Variants in GRID2 observed in about 807,000 individuals in gnomAD.
GRID2 encodes the protein glutamate ionotropic receptor delta type subunit 2, also known as glutamate receptor ionotropic, delta-2.
A neutral mutation model predicts 114.8 loss-of-function variants in GRID2; 33 were observed. That is an observed-to-expected ratio of 0.29 (90% CI 0.22 to 0.38). The LOEUF (loss-of-function observed/expected upper bound fraction) is 0.38. Among genes scored for constraint, GRID2 ranks in the 10% least tolerant of loss-of-function variants. GRID2 has a pLI of 1.00. For synonymous variants in GRID2, 505 were observed against 449.9 expected (o/e 1.12, Z -1.55); for missense variants, 1,184 against 1,257.7 (o/e 0.94, Z 0.89).
intron 8 of GRID2, among the ~76,000 whole-genome samples, chr4:93,249,903 T>C (rs547825268): frequency 6.6e-6 from 1 of 152,220 alleles, no homozygotes; most frequent in Admixed American, 6.5e-5. Context: ...GGTGGGAGTG[T>C]AAATTAGTTC....
intron 2 of GRID2, among the ~76,000 whole-genome samples, chr4:92,646,249 C>T (rs1272745969): frequency 6.6e-6 from 1 of 152,142 alleles, no homozygotes; most frequent in Non-Finnish European, 1.5e-5. Flanking sequence ...TTATAAAGTG[C>T]CTGTTAAAGT....
chr4:92,417,086 A>G (rs1308915777), intron 1 of GRID2, among the ~76,000 whole-genome samples: 1 of 151,938 alleles, frequency 6.6e-6, no homozygotes, highest in African/African-American at 2.4e-5. Flanking sequence ...CAGTGTTTTC[A>G]AATATATGTA....
chr4:92,997,511 TAGAA>T (rs1448105261), intron 2 of GRID2, among the ~76,000 whole-genome samples: 1 of 152,134 alleles, frequency 6.6e-6, no homozygotes, highest in Non-Finnish European at 1.5e-5. Context: ...TTGATAGTGT[TAGAA>T]AGAAACAGTT....
intron 2 of GRID2, among the ~76,000 whole-genome samples, chr4:92,696,575 A>G (rs1734434135): frequency 6.6e-6 from 1 of 152,144 alleles, no homozygotes; most frequent in Non-Finnish European, 1.5e-5. Context: ...TCCCAACCAA[A>G]CTATATTCAT....
chr4:92,832,782 C>T (rs1252360004), intron 2 of GRID2, among the ~76,000 whole-genome samples: 1 of 151,714 alleles, frequency 6.6e-6, no homozygotes, highest in Non-Finnish European at 1.5e-5. Flanking sequence ...GACTCTGTCA[C>T]AATAATAATA....
intron 1 of GRID2, among the ~76,000 whole-genome samples, chr4:93,786,048 T>C (rs1373392073): frequency 6.6e-6 from 1 of 152,162 alleles, no homozygotes; most frequent in Non-Finnish European, 1.5e-5. Flanking sequence ...AAAAACTTAC[T>C]AGCTAAAAGA....
intron 8 of GRID2, among the ~76,000 whole-genome samples, chr4:93,330,936 A>AG (rs1758362707): frequency 6.6e-6 from 1 of 152,110 alleles, no homozygotes; most frequent in African/African-American, 2.4e-5. Flanking sequence ...CCCTGAAGTC[A>AG]GATTACTGAA....
At chr4:93,681,839 C>A (rs1725577819) in intron 14 of GRID2, among the ~76,000 whole-genome samples, 1 of 151,990 alleles carries the variant, frequency 6.6e-6, no homozygotes. Flanking sequence ...AGAAGAAAAC[C>A]TAGGCATTAC....
chr4:93,061,927 A>G (rs17020140), intron 2 of GRID2, among the ~76,000 whole-genome samples: 4,390 of 152,206 alleles, frequency 0.029, 218 homozygotes, highest in African/African-American at 0.1. Flanking sequence ...GGGCTTACTT[A>G]CACTAAGCAA....
chr4:93,411,577 G>C (rs1767139809), intron 9 of GRID2, among the ~76,000 whole-genome samples: 1 of 151,928 alleles, frequency 6.6e-6, no homozygotes, highest in Non-Finnish European at 1.5e-5. Context: ...TGGGACTACA[G>C]GTGCATGCCA....
chr4:93,294,935 A>AT (rs1754135266), intron 8 of GRID2, among the ~76,000 whole-genome samples: 1 of 152,138 alleles, frequency 6.6e-6, no homozygotes. Context: ...TTATTTGTTA[A>AT]TTTATCGGAT....
intron 14 of GRID2, among the ~76,000 whole-genome samples, chr4:93,752,622 G>A (rs777399230): frequency 5.3e-5 from 8 of 151,988 alleles, no homozygotes; most frequent in Non-Finnish European, 1.2e-4. Flanking sequence ...TGCCCACCTC[G>A]GCCTCCCAAA....
intron 8 of GRID2, among the ~76,000 whole-genome samples, chr4:93,328,112 C>T (rs368128452): frequency 2.1e-5 from 3 of 144,810 alleles, no homozygotes; most frequent in Non-Finnish European, 4.5e-5. Flanking sequence ...AGCAAGACTC[C>T]GTCTCAAAAA....
chr4:92,740,103 G>A (rs1479432144), intron 2 of GRID2, among the ~76,000 whole-genome samples: 2 of 152,010 alleles, frequency 1.3e-5, no homozygotes, highest in Non-Finnish European at 2.9e-5. Flanking sequence ...TTCTTCCTTT[G>A]AGATTTTCTT....
chr4:93,356,753 A>G (rs188913912), intron 8 of GRID2, among the ~76,000 whole-genome samples: 1 of 151,984 alleles, frequency 6.6e-6, no homozygotes, highest in Admixed American at 6.6e-5. Context: ...TTCCATTTCT[A>G]TAACTTTGAT....
chr4:92,442,812 G>T (rs940023750), intron 1 of GRID2, among the ~76,000 whole-genome samples: 1 of 152,112 alleles, frequency 6.6e-6, no homozygotes, highest in African/African-American at 2.4e-5. Context: ...TTGGGATAAA[G>T]AAAAAGGAGC....
rs374150260 is a variant in GRID2 at position 92,524,739 on chromosome 4, G to C, written c.89-65392G>C. Among the ~76,000 whole-genome samples the C allele has an allele frequency of 1.2e-4, 18 of 152,096 alleles. No homozygotes were observed. The East Asian group carries it at 1.8e-3, about 15-fold the overall frequency. Reference sequence around the variant, plus strand: ...AGTCAGGTGACAACAGGGGCTCAGAGAGTGGGAGTGAAAACCTAATATATT... The same window carrying C: ...AGTCAGGTGACAACAGGGGCTCAGACAGTGGGAGTGAAAACCTAATATATT... On this transcript the variant is annotated intron_variant, in intron 1 of 15. Coordinates refer to ENST00000282020, the MANE Select transcript of GRID2 (RefSeq NM_001510.4).
chr4:92,507,671 T>C (rs1433464514), intron 1 of GRID2, among the ~76,000 whole-genome samples: 3 of 151,972 alleles, frequency 2.0e-5, no homozygotes, highest in Non-Finnish European at 4.4e-5. Flanking sequence ...TAATATCTTT[T>C]TTTCAGTTTT....
chr4:92,926,634 C>T (rs1246334469), intron 2 of GRID2, among the ~76,000 whole-genome samples: 3 of 151,656 alleles, frequency 2.0e-5, no homozygotes, highest in South Asian at 2.1e-4. Flanking sequence ...GGTAAAATAG[C>T]GTTATTTACA....
Sources: allele counts gnomAD v4.1 joint callset (sites outside exome capture counted in the v4.1 genomes callset), GRCh38; gene constraint gnomAD v4.1.1; transcripts MANE v1.5; gene names NCBI Gene and HGNC (gene_info 2026-07-23, HGNC 2026-07-21).